STARD13: variants seen among roughly 807,000 people sequenced by gnomAD.
STARD13 encodes the protein stAR-related lipid transfer protein 13.
Under a neutral mutation model 106.4 loss-of-function variants are expected in STARD13, and 62 were observed. The observed-to-expected ratio is 0.58, with a 90% CI of 0.48 to 0.72. The LOEUF is 0.72. STARD13 is among the 30% of genes least tolerant of loss of function. The pLI is 0.00. For missense variants in STARD13, 1,387 were observed against 1,424.0 expected (o/e 0.97, Z 0.42); for synonymous variants, 565 against 553.0 (o/e 1.02, Z -0.31).
chr13:33,566,429 T>C, the STARD13 span, among the ~76,000 whole-genome samples: 2 of 147,956 alleles, frequency 1.4e-5, 1 homozygote, highest in East Asian at 4.0e-4. Flanking sequence ...CTCTGCATGA[T>C]CTCTAACTGC....
chr13:33,345,046 G>A (rs1458009983), downstream of STARD13, among the ~76,000 whole-genome samples: 2 of 152,226 alleles, frequency 1.3e-5, no homozygotes, highest in African/African-American at 4.8e-5. Context: ...AGCAGTGGTT[G>A]ATTAGGGAAC....
chr13:33,149,287 G>T (rs1368558311), intron 3 of STARD13, among the ~76,000 whole-genome samples: 1 of 152,110 alleles, frequency 6.6e-6, no homozygotes, highest in Non-Finnish European at 1.5e-5. Context: ...TGGGCGGGGG[G>T]CTGTGCCTGT....
At chr13:33,197,445 T>C (rs557964726) in intron 1 of STARD13, among the ~76,000 whole-genome samples, 38 of 152,186 alleles carry the variant, frequency 2.5e-4, no homozygotes, top group African/African-American at 8.2e-4. Context: ...TGTGTGTGTG[T>C]GTTTTCAATA....
At chr13:33,463,780 G>T in the STARD13 span, among the ~76,000 whole-genome samples, 12 of 152,160 alleles carry the variant, frequency 7.9e-5, no homozygotes, top group African/African-American at 2.9e-4. Flanking sequence ...TTGGGAAGCA[G>T]AGATGGGTAG....
At chr13:33,409,916 T>C in the STARD13 span, among the ~76,000 whole-genome samples, 1 of 152,246 alleles carries the variant, frequency 6.6e-6, no homozygotes, top group Non-Finnish European at 1.5e-5. Flanking sequence ...ATGTCAGCCT[T>C]TACAGTCACA....
intron 1 of STARD13, among the ~76,000 whole-genome samples, chr13:33,245,467 G>A (rs189244944): frequency 6.6e-6 from 1 of 152,140 alleles, no homozygotes; most frequent in East Asian, 1.9e-4. Context: ...ACATTCTGTG[G>A]GTACCCTAAG....
At chr13:33,585,386 CAAAT>C in the STARD13 span, among the ~76,000 whole-genome samples, 6 of 152,014 alleles carry the variant, frequency 3.9e-5, no homozygotes, top group South Asian at 4.1e-4. Context: ...TGTCTATTGA[CAAAT>C]GAATGAAAAA....
chr13:33,265,602 C>T (rs7339345), intron 1 of STARD13, among the ~76,000 whole-genome samples: 37,473 of 151,982 alleles, frequency 0.25, 5,289 homozygotes, highest in African/African-American at 0.37. Context: ...ATAGTTCAAG[C>T]AACTATAATG....
At chr13:33,611,684 C>T in the STARD13 span, among the ~76,000 whole-genome samples, 1 of 152,156 alleles carries the variant, frequency 6.6e-6, no homozygotes, top group Non-Finnish European at 1.5e-5. Flanking sequence ...GCTAGATAAG[C>T]AGGTCATTTA....
intron 1 of STARD13, among the ~76,000 whole-genome samples, chr13:33,197,923 C>A (rs1358970214): frequency 6.6e-6 from 1 of 152,220 alleles, no homozygotes; most frequent in Non-Finnish European, 1.5e-5. Context: ...GCAATCCCAG[C>A]ACTTTAGGAG....
At chr13:33,669,323 G>A in the STARD13 span, among the ~76,000 whole-genome samples, 48 of 152,256 alleles carry the variant, frequency 3.2e-4, 1 homozygote, top group East Asian at 8.9e-3. Context: ...AGGACAGACA[G>A]AAGAGGCCGG....
chr13:33,461,488 G>T, the STARD13 span, among the ~76,000 whole-genome samples: 1 of 152,146 alleles, frequency 6.6e-6, no homozygotes, highest in Non-Finnish European at 1.5e-5. Context: ...AGAGATAAGG[G>T]TTCCTCAGTG....
chr13:33,576,806 G>A, the STARD13 span, among the ~76,000 whole-genome samples: 1 of 151,974 alleles, frequency 6.6e-6, no homozygotes, highest in African/African-American at 2.4e-5. Flanking sequence ...CATATAATAA[G>A]GTATGTTCAT....
intron 8 of STARD13, among the ~76,000 whole-genome samples, chr13:33,116,363 C>T (rs1846056479): frequency 6.6e-6 from 1 of 152,152 alleles, no homozygotes; most frequent in Non-Finnish European, 1.5e-5. Context: ...TATGGAAATT[C>T]TCCAAATTTG....
At chr13:33,191,510 A>G (rs1002402097) in intron 1 of STARD13, among the ~76,000 whole-genome samples, 3 of 152,260 alleles carry the variant, frequency 2.0e-5, no homozygotes, top group African/African-American at 7.2e-5. Context: ...GGGACTCCAG[A>G]GAAGGTCAAC....
chr13:33,154,561 T>C lies in STARD13; in HGVS notation c.323+10776A>G, dbSNP rs149278039. Among the ~76,000 whole-genome samples, 91 of 152,298 alleles carry C rather than the reference T, an allele frequency of 6.0e-4. No homozygotes were observed. In the East Asian group the frequency reaches 0.017, roughly 29 times the overall value. ...ATCATCAGGACTTCAAGGAAGAACA[T>C]AGGCTCTCTTGGCTATTCAATAAAA... On this transcript the variant is annotated intron_variant, in intron 3 of 13. Coordinates refer to ENST00000336934, the MANE Select transcript of STARD13 (RefSeq NM_178006.4).
the STARD13 span, among the ~76,000 whole-genome samples, chr13:33,417,855 A>T: frequency 2.6e-5 from 4 of 152,170 alleles, no homozygotes; most frequent in Non-Finnish European, 5.9e-5. Flanking sequence ...TATTACGGTG[A>T]TAGCTGCAAA....
the STARD13 span, among the ~76,000 whole-genome samples, chr13:33,360,952 C>T: frequency 2.9e-3 from 307 of 106,770 alleles, 1 homozygote; most frequent in South Asian, 0.016. Context: ...CACGCCACCA[C>T]GCCCGGCTAA....
the STARD13 span, among the ~76,000 whole-genome samples, chr13:33,372,920 G>A: frequency 3.3e-5 from 5 of 152,020 alleles, no homozygotes; most frequent in African/African-American, 1.2e-4. Flanking sequence ...CCATATCAAT[G>A]ATGAATTTGA....
Sources: gnomAD v4.1 joint callset for allele counts (sites outside exome capture counted in the v4.1 genomes callset) on GRCh38, gnomAD v4.1.1 for gene constraint, MANE v1.5 for transcripts, NCBI Gene and HGNC (gene_info 2026-07-23, HGNC 2026-07-21) for gene names.